FRAS1: variants seen among roughly 807,000 people sequenced by gnomAD.
The protein encoded by FRAS1 is Fraser extracellular matrix complex subunit 1, also known as extracellular matrix organizing protein FRAS1.
FRAS1 carries 290 observed loss-of-function variants against 435.2 expected under a neutral mutation model. The ratio of observed to expected loss-of-function variants is 0.67; its 90% CI spans 0.61 to 0.73. The LOEUF is 0.73. Ranked by LOEUF, FRAS1 falls within the 30% of genes least tolerant of loss-of-function variation. The pLI is 0.00. For missense variants in FRAS1, 4,860 were observed against 5,001.5 expected (o/e 0.97, Z 0.85); for synonymous variants, 1,800 against 1,851.0 (o/e 0.97, Z 0.71).
intron 20 of FRAS1, among the ~76,000 whole-genome samples, chr4:78,347,225 C>G (rs933847573): frequency 2.0e-5 from 3 of 152,218 alleles, no homozygotes; most frequent in Non-Finnish European, 4.4e-5. Flanking sequence ...AACCCCTCTT[C>G]CATATTGCAA....
chr4:78,126,187 G>A (rs191805978), intron 2 of FRAS1, among the ~76,000 whole-genome samples: 1 of 152,202 alleles, frequency 6.6e-6, no homozygotes, highest in Non-Finnish European at 1.5e-5. Context: ...AAGGCTCCGT[G>A]AGCATGGGAC....
At chr4:78,492,673 G>A (rs1720387534) in intron 59 of FRAS1, among the ~76,000 whole-genome samples, 1 of 152,110 alleles carries the variant, frequency 6.6e-6, no homozygotes, top group Non-Finnish European at 1.5e-5. Context: ...TTAAACGTGA[G>A]ACCTAAAACC....
intron 38 of FRAS1, among the ~76,000 whole-genome samples, chr4:78,437,953 G>A (rs975024179): frequency 6.6e-6 from 1 of 152,010 alleles, no homozygotes. Flanking sequence ...TTAAGATTAG[G>A]CATCTTGGGA....
chr4:78,077,419 G>C (rs1740692620), intron 2 of FRAS1, among the ~76,000 whole-genome samples: 1 of 151,834 alleles, frequency 6.6e-6, no homozygotes, highest in Admixed American at 6.6e-5. Flanking sequence ...TTTTTGTTTT[G>C]TAGATAAATT....
intron 55 of FRAS1, among the ~76,000 whole-genome samples, chr4:78,478,593 A>G (rs1719921214): frequency 6.6e-6 from 1 of 152,194 alleles, no homozygotes; most frequent in African/African-American, 2.4e-5. Context: ...TAAAAGGGCA[A>G]TTCTTGAGGA....
intron 2 of FRAS1, among the ~76,000 whole-genome samples, chr4:78,114,707 G>A (rs902736257): frequency 3.3e-5 from 5 of 152,190 alleles, no homozygotes; most frequent in South Asian, 2.1e-4. Context: ...GAAGTTGCCT[G>A]TCAGCTTAAG....
At chr4:78,536,940 T>C (rs1336142132) in intron 71 of FRAS1, 55 bp from the exon 72 acceptor site, 7 of 1,453,540 alleles carry the variant, frequency 4.8e-6, no homozygotes, top group Non-Finnish European at 2.9e-6. Flanking sequence ...CCCTTGACAT[T>C]TGTTTTTCTT....
chr4:78,201,542 G>T (rs1434305044), intron 2 of FRAS1, among the ~76,000 whole-genome samples: 1 of 152,142 alleles, frequency 6.6e-6, no homozygotes, highest in East Asian at 1.9e-4. Context: ...GAGACCTGTT[G>T]TCAAATTAAT....
chr4:78,288,460 G>T (rs773641235), intron 14 of FRAS1, among the ~76,000 whole-genome samples: 19 of 152,254 alleles, frequency 1.2e-4, no homozygotes, highest in Non-Finnish European at 2.5e-4. Context: ...CATGCCCGTT[G>T]TTTTAATTGG....
At chr4:78,512,385 A>G (rs1721068357) in intron 64 of FRAS1, among the ~76,000 whole-genome samples, 1 of 152,130 alleles carries the variant, frequency 6.6e-6, no homozygotes, top group African/African-American at 2.4e-5. Context: ...CCCTTCCTAG[A>G]AAAAAGGCCC....
rs188159285 is a variant in FRAS1, at chr4:78,415,401, T to G, written c.4425+2316T>G. Reference sequence around the variant, plus strand: ...TTAAAAAAATTAAAAATTAAAAAAATAAAACACAGATTGCTGGAACCTACC... The same window carrying G: ...TTAAAAAAATTAAAAATTAAAAAAAGAAAACACAGATTGCTGGAACCTACC... On this transcript the variant is annotated intron_variant, in intron 32 of 73. Coordinates refer to ENST00000512123, the MANE Select transcript of FRAS1 (RefSeq NM_025074.7). Among the ~76,000 whole-genome samples the G allele has an allele frequency of 3.3e-5, 5 of 152,240 alleles. No individual in the cohort carries two copies. The East Asian group carries it at 5.8e-4, about 18-fold the overall frequency.
chr4:78,412,885 G>A (rs1733395520), intron 31 of FRAS1, 84 bp from the exon 32 acceptor site: 1 of 642,988 alleles, frequency 1.6e-6, no homozygotes, highest in Admixed American at 3.7e-5. Context: ...AAAGACAGCT[G>A]GCTTAAAAGA....
chr4:78,428,211 T>A (rs1399992413), intron 35 of FRAS1, among the ~76,000 whole-genome samples: 1 of 152,266 alleles, frequency 6.6e-6, no homozygotes, highest in African/African-American at 2.4e-5. Flanking sequence ...AGGTCACTGT[T>A]TTGTTCACTA....
chr4:78,093,700 G>T (rs971518288), intron 2 of FRAS1, among the ~76,000 whole-genome samples: 3 of 152,150 alleles, frequency 2.0e-5, no homozygotes, highest in African/African-American at 7.2e-5. Context: ...AGCAGAAAAA[G>T]AAATTAACAT....
chr4:78,384,890 A>G (rs2110326412), intron 28 of FRAS1, among the ~76,000 whole-genome samples: 2 of 145,572 alleles, frequency 1.4e-5, no homozygotes, highest in Admixed American at 1.4e-4. Context: ...CCTGAGCAAC[A>G]CAGTGAGACC....
chr4:78,456,735 T>C (rs2627656), intron 47 of FRAS1, among the ~76,000 whole-genome samples: 112,152 of 152,094 alleles, frequency 0.74, 41,721 homozygotes, highest in African/African-American at 0.79. Flanking sequence ...ATAGGGATGC[T>C]ATTAACAAAT....
chr4:78,293,547 A>G (rs1387993506), intron 14 of FRAS1, among the ~76,000 whole-genome samples: 3 of 152,098 alleles, frequency 2.0e-5, no homozygotes, highest in Admixed American at 2.0e-4. Context: ...TGTTTAACAT[A>G]GTTGTGGGCT....
chr4:78,093,950 C>G (rs1334363361), intron 2 of FRAS1, among the ~76,000 whole-genome samples: 1 of 152,058 alleles, frequency 6.6e-6, no homozygotes, highest in African/African-American at 2.4e-5. Flanking sequence ...CACAACTCAT[C>G]AGTTTATGAA....
At chr4:78,228,346 T>G (rs927938931) in intron 2 of FRAS1, among the ~76,000 whole-genome samples, 2 of 152,214 alleles carry the variant, frequency 1.3e-5, no homozygotes, top group African/African-American at 4.8e-5. Context: ...TTTCTGTGGT[T>G]AACATCTCTA....
Sources: allele counts gnomAD v4.1 joint callset (sites outside exome capture counted in the v4.1 genomes callset), GRCh38; gene constraint gnomAD v4.1.1; transcripts MANE v1.5; gene names NCBI Gene and HGNC (gene_info 2026-07-23, HGNC 2026-07-21).